Variants in MAN2B2 observed in about 807,000 individuals in gnomAD.
MAN2B2 encodes mannosidase alpha class 2B member 2.
In MAN2B2, 106 loss-of-function variants were observed where a neutral mutation model predicts 117.1. That is an observed-to-expected ratio of 0.90 (90% CI 0.77 to 1.06). The LOEUF (loss-of-function observed/expected upper bound fraction) is 1.06, where lower values mean the gene tolerates loss of function less well. Among genes scored for constraint, MAN2B2 ranks in the 50% least tolerant of loss-of-function variants. MAN2B2 has a pLI of 0.00. For synonymous variants in MAN2B2, 544 were observed against 595.1 expected (o/e 0.91, Z 1.25); for missense variants, 1,326 against 1,381.4 (o/e 0.96, Z 0.64).
At chr4:6,583,198 G>T (rs1045567622) in intron 3 of MAN2B2, among the ~76,000 whole-genome samples, 3 of 152,182 alleles carry the variant, frequency 2.0e-5, no homozygotes, top group Admixed American at 6.5e-5. Flanking sequence ...TGTAAAAGGC[G>T]ACCTAGAACC....
At chr4:6,609,517 A>G (rs1413364746) in intron 12 of MAN2B2, 4 of 627,432 alleles carry the variant, frequency 6.4e-6, no homozygotes, top group African/African-American at 5.5e-5. Context: ...GAGCTGGGAG[A>G]GAGACCCACA....
rs550987943 is a variant in MAN2B2, at chr4:6,581,264, C to T, written c.391+2766C>T. Among the ~76,000 whole-genome samples, 72 of 152,292 alleles carry T rather than the reference C, an allele frequency of 4.7e-4. 1 individual carries two copies. Among genetic ancestry groups the T allele is most frequent in the South Asian group, 2.1e-4 (1 of 4,822 alleles). ...CTTGTGGCTGAGCCCCTCTCACTGG[C>T]GGCTGAGCCAAGCCCTTTCCCATCT... is the stretch of plus-strand genomic sequence containing the variant. On this transcript the variant is annotated intron_variant, in intron 3 of 18. Coordinates refer to ENST00000285599, the MANE Select transcript of MAN2B2 (RefSeq NM_015274.3).
chr4:6,607,172 C>G (rs1252064757), intron 11 of MAN2B2, among the ~76,000 whole-genome samples: 2 of 152,128 alleles, frequency 1.3e-5, no homozygotes, highest in African/African-American at 2.4e-5. Context: ...TTGCAACTCA[C>G]TTCTTTCACT....
chr4:6,617,837 C>T (rs1258098428), intron 17 of MAN2B2: 1 of 212,522 alleles, frequency 4.7e-6, no homozygotes, highest in Non-Finnish European at 9.1e-6. Context: ...CGCGCCACCA[C>T]GATGGCTAAG....
intron 11 of MAN2B2, among the ~76,000 whole-genome samples, chr4:6,608,866 C>T (rs956822059): frequency 3.9e-5 from 6 of 152,194 alleles, no homozygotes; most frequent in Non-Finnish European, 5.9e-5. Flanking sequence ...TGACGGCTCA[C>T]GGTTCCTGTC....
chr4:6,617,261 A>C, intron 16 of MAN2B2, 119 bp from the exon 17 acceptor site: 1 of 717,302 alleles, frequency 1.4e-6, no homozygotes, highest in South Asian at 1.7e-5. Flanking sequence ...CAGCCAAACC[A>C]TATCGAGGAG....
intron 2 of MAN2B2, among the ~76,000 whole-genome samples, chr4:6,577,091 C>T (rs1474893670): frequency 1.3e-5 from 2 of 152,136 alleles, no homozygotes; most frequent in South Asian, 2.1e-4. Flanking sequence ...GCCTGGCCCC[C>T]GGGCCCAGGG....
At chr4:6,585,430 T>C (rs543464423) in intron 3 of MAN2B2, among the ~76,000 whole-genome samples, 1 of 152,336 alleles carries the variant, frequency 6.6e-6, no homozygotes, top group East Asian at 1.9e-4. Context: ...GGGCAAGGAC[T>C]TGGGGAATGT....
At chr4:6,594,777 G>C in intron 7 of MAN2B2, 45 bp downstream of exon 7, 1 of 1,561,062 alleles carries the variant, frequency 6.4e-7, no homozygotes. Flanking sequence ...TGGCAGGGAG[G>C]GTATAGTCCA....
rs778480922 is a variant in MAN2B2 at position 6,605,349 on chromosome 4, G to A, written c.1814+20G>A. The A allele has an allele frequency of 6.3e-7, 1 of 1,592,832 alleles. No homozygotes were observed. The highest frequency in any genetic ancestry group is 1.1e-5 in the South Asian group (1 of 89,258). On this transcript the variant is annotated intron_variant, in intron 11 of 18. Transcript: ENST00000285599. ...GGAGAGGTAAGGTGCAGCCATTGCT[G>A]TCTCTGAGGCACAGGCATGCCTGGA...
At position 6,589,133 on chromosome 4, in the gene MAN2B2, C is replaced by A. The variant is rs1726760954; in HGVS notation, c.653C>A (p.Thr218Asn). 1 of 1,614,136 alleles carries A rather than the reference C, an allele frequency of 6.2e-7. No individual in the cohort carries two copies. Among genetic ancestry groups the A allele is most frequent in the Non-Finnish European group, 8.5e-7 (1 of 1,179,960 alleles). Reference protein sequence around the residue: ...THIMDQYSYCTPSHIPFSNRS... With the variant: ...THIMDQYSYCNPSHIPFSNRS... ...ATCATGGACCAGTACAGCTACTGCA[C>A]CCCGTCCCACATCCCTTTCTCCAAC... The change falls in exon 5 of 19, where the codon ACC (threonine) becomes AAC (asparagine). Residue 218 changes from threonine to asparagine, a missense_variant. Coordinates refer to ENST00000285599, the MANE Select transcript of MAN2B2 (RefSeq NM_015274.3).
chr4:6,578,446 C>A lies in MAN2B2; in HGVS notation c.339C>A (p.Val113=). The change falls in exon 3 of 19, where the codon GTC becomes GTA. Residue 113 remains valine (V), a synonymous_variant. Transcript: ENST00000285599. ...TGGAATTTGTCATCGGAGGCCAGGT[C>A]ATGCATGACGAGGCTGTGACGCACC... ...GRLEFVIGGQ[V]MHDEAVTHLD... The A allele has an allele frequency of 6.2e-7, 1 of 1,613,722 alleles. No individual in the cohort carries two copies. The highest frequency in any genetic ancestry group is 1.1e-5 in the South Asian group (1 of 91,018).
intron 5 of MAN2B2, among the ~76,000 whole-genome samples, chr4:6,591,262 C>T (rs753151046): frequency 1.3e-5 from 2 of 152,240 alleles, no homozygotes; most frequent in Non-Finnish European, 2.9e-5. Context: ...AATCACCTCC[C>T]GTTCACCCCG....
intron 15 of MAN2B2, among the ~76,000 whole-genome samples, 169 bp downstream of exon 15, chr4:6,611,447 G>A (rs1312909813): frequency 6.6e-6 from 1 of 152,184 alleles, no homozygotes; most frequent in Non-Finnish European, 1.5e-5. Context: ...GGCAAACTGA[G>A]GGCAAACAGT....
At position 6,610,969 on chromosome 4, in the gene MAN2B2, C is replaced by T. The variant is rs1157744954; in HGVS notation, c.2349C>T (p.Ser783=). Residue 783 remains serine, a synonymous_variant, in exon 14 of 19, where the codon AGC becomes AGT. Coordinates refer to ENST00000285599, the MANE Select transcript of MAN2B2 (RefSeq NM_015274.3). ...CGGAGCGGGCACATGGCATCTCCAG[C>T]CAAGGGAATGGGCAGGTGGAGGTAG... ...LLSERAHGIS[S]QGNGQVEVML... The T allele has an allele frequency of 3.1e-6, 5 of 1,614,174 alleles. No individual in the cohort carries two copies. The highest frequency in any genetic ancestry group is 1.3e-5 in the African/African-American group (1 of 75,040).
At chr4:6,576,818 C>T in intron 2 of MAN2B2, 94 bp downstream of exon 2, 2 of 1,498,146 alleles carry the variant, frequency 1.3e-6, no homozygotes, top group South Asian at 2.4e-5. Context: ...GGGCCAGGGC[C>T]AGGCTGGCAT....
At chr4:6,600,827 C>G in intron 10 of MAN2B2, 71 bp downstream of exon 10, 2 of 1,564,378 alleles carry the variant, frequency 1.3e-6, no homozygotes, top group South Asian at 2.3e-5. Flanking sequence ...GGCACATTGT[C>G]TCTTCTGACC....
At chr4:6,589,439 C>T (rs1726773938) in intron 5 of MAN2B2, among the ~76,000 whole-genome samples, 1 of 152,172 alleles carries the variant, frequency 6.6e-6, no homozygotes, top group Admixed American at 6.5e-5. Flanking sequence ...GGGAGTTTCA[C>T]CATGTTATCT....
intron 18 of MAN2B2, 161 bp downstream of exon 18, chr4:6,620,205 G>A (rs1343378774): frequency 1.7e-6 from 1 of 596,864 alleles, no homozygotes; most frequent in Admixed American, 3.0e-5. Context: ...ATCTACTACA[G>A]TCGGTTAAGA....
Sources: allele counts gnomAD v4.1 joint callset (sites outside exome capture counted in the v4.1 genomes callset), GRCh38; gene constraint gnomAD v4.1.1; transcripts MANE v1.5; gene names NCBI Gene and HGNC (gene_info 2026-07-23, HGNC 2026-07-21).